The following XRCC4 variants were observed in gnomAD, a reference collection of about 807,000 sequenced individuals.
XRCC4 encodes DNA repair protein XRCC4.
A neutral mutation model predicts 39.1 loss-of-function variants in XRCC4; 28 were observed. The observed-to-expected ratio is 0.72, with a 90% CI of 0.53 to 0.98. The LOEUF (loss-of-function observed/expected upper bound fraction) is 0.98, where lower values mean the gene tolerates loss of function less well. Among genes scored for constraint, XRCC4 ranks in the 50% least tolerant of loss-of-function variants. The probability of loss-of-function intolerance (pLI) is 0.00; values close to 1 mark genes in which losing one functional copy is unlikely to be tolerated. For synonymous variants in XRCC4, 123 were observed against 126.4 expected (o/e 0.97, Z 0.18); for missense variants, 350 against 376.4 (o/e 0.93, Z 0.58).
At chr5:83,309,296 A>AAAAAAAATATATATATATATAT (rs1561467702) in intron 7 of XRCC4, among the ~76,000 whole-genome samples, 2 of 72,226 alleles carry the variant, frequency 2.8e-5, no homozygotes, top group Admixed American at 2.5e-4. Flanking sequence ...AAAAAAAAAA[A>AAAAAAAATATATATATATATAT]ATATATATAT....
intron 6 of XRCC4, among the ~76,000 whole-genome samples, chr5:83,206,891 G>A (rs917933044): frequency 2.6e-5 from 4 of 151,962 alleles, no homozygotes; most frequent in Non-Finnish European, 5.9e-5. Flanking sequence ...AACAGATGAA[G>A]GCACAGGAAA....
intron 6 of XRCC4, among the ~76,000 whole-genome samples, chr5:83,252,885 G>A (rs533368910): frequency 1.4e-4 from 21 of 152,234 alleles, no homozygotes; most frequent in African/African-American, 3.1e-4. Context: ...TAAAATTACC[G>A]AGTAATATGT....
At chr5:83,223,361 A>G (rs1000466701) in intron 6 of XRCC4, among the ~76,000 whole-genome samples, 10 of 152,026 alleles carry the variant, frequency 6.6e-5, no homozygotes, top group African/African-American at 2.4e-4. Context: ...TTTTCAGTCT[A>G]TTAATATTTG....
chr5:83,246,936 G>A (rs556295291), intron 6 of XRCC4, among the ~76,000 whole-genome samples: 1 of 152,266 alleles, frequency 6.6e-6, no homozygotes, highest in South Asian at 2.1e-4. Flanking sequence ...TTGAAATGTG[G>A]ACTTCCTAGC....
chr5:83,151,403 CT>C (rs1748696660), intron 3 of XRCC4, among the ~76,000 whole-genome samples: 1 of 152,078 alleles, frequency 6.6e-6, no homozygotes. Flanking sequence ...AAAGGAAGAA[CT>C]GTTGATGTAT....
At chr5:83,305,463 C>T (rs1228484127) in intron 7 of XRCC4, among the ~76,000 whole-genome samples, 1 of 151,998 alleles carries the variant, frequency 6.6e-6, no homozygotes, top group Non-Finnish European at 1.5e-5. Context: ...ATTTAAATCT[C>T]AAAGTAGAGT....
At chr5:83,359,941 G>A in the XRCC4 span, among the ~76,000 whole-genome samples, 1 of 152,088 alleles carries the variant, frequency 6.6e-6, no homozygotes, top group Non-Finnish European at 1.5e-5. Flanking sequence ...TACATTAGAT[G>A]TATCTTCTAA....
intron 7 of XRCC4, 70 bp from the exon 8 acceptor site, chr5:83,353,061 T>C (rs1457129631): frequency 1.6e-6 from 2 of 1,254,494 alleles, no homozygotes; most frequent in Non-Finnish European, 2.2e-6. Context: ...TATGTGTCTC[T>C]TCATTTTCTT....
At chr5:83,294,628 GAATT>G (rs1159009461) in intron 7 of XRCC4, among the ~76,000 whole-genome samples, 2 of 152,000 alleles carry the variant, frequency 1.3e-5, no homozygotes, top group African/African-American at 2.4e-5. Flanking sequence ...AGCTTTTTAG[GAATT>G]AATTGAGAAG....
intron 7 of XRCC4, among the ~76,000 whole-genome samples, chr5:83,293,607 T>TAG (rs1754997621): frequency 6.6e-6 from 1 of 152,018 alleles, no homozygotes; most frequent in South Asian, 2.1e-4. Flanking sequence ...GCTAAGCACA[T>TAG]CCTCTAATAT....
chr5:83,227,310 T>C (rs1752327909), intron 6 of XRCC4, among the ~76,000 whole-genome samples: 1 of 152,136 alleles, frequency 6.6e-6, no homozygotes, highest in African/African-American at 2.4e-5. Context: ...TTTAAACTAC[T>C]TAAATTAATG....
intron 1 of XRCC4, among the ~76,000 whole-genome samples, chr5:83,079,119 T>A (rs548603609): frequency 6.6e-6 from 1 of 152,362 alleles, no homozygotes; most frequent in South Asian, 2.1e-4. Context: ...TCAGAAAGCT[T>A]AACTTGTTAG....
At chr5:83,100,490 T>C (rs1022444428) in intron 1 of XRCC4, among the ~76,000 whole-genome samples, 5 of 152,156 alleles carry the variant, frequency 3.3e-5, no homozygotes, top group Non-Finnish European at 7.4e-5. Context: ...GGTTCAAATA[T>C]GGCTTTAAAA....
chr5:83,143,978 G>A (rs1748309014), intron 3 of XRCC4, among the ~76,000 whole-genome samples: 1 of 151,822 alleles, frequency 6.6e-6, no homozygotes, highest in African/African-American at 2.4e-5. Context: ...TATTGGTGAA[G>A]TCTGAGATTT....
chr5:83,236,929 A>G (rs2112834009), intron 6 of XRCC4, among the ~76,000 whole-genome samples: 1 of 152,306 alleles, frequency 6.6e-6, no homozygotes, highest in Admixed American at 6.5e-5. Context: ...TTCTCAAAAT[A>G]AGACATACAA....
chr5:83,134,266 G>A (rs943048191), intron 3 of XRCC4, among the ~76,000 whole-genome samples: 19 of 152,072 alleles, frequency 1.2e-4, no homozygotes, highest in African/African-American at 4.6e-4. Flanking sequence ...AGGTGAAGCT[G>A]GCTGGGCTTC....
In XRCC4 at chr5:83,190,684, C is replaced by T. The variant is rs1750655421; in HGVS notation, c.316-5086C>T. On this transcript the variant is annotated intron_variant, in intron 3 of 7. Coordinates refer to ENST00000396027, the MANE Select transcript of XRCC4 (RefSeq NM_003401.5). ...TCCTCAGAAACACTTAGAATGGCCA[C>T]AAATAACTCTCTAGGAATTAAGTTA... Among the ~76,000 whole-genome samples the T allele has an allele frequency of 2.6e-5, 4 of 152,120 alleles. No homozygotes were observed. The South Asian group carries it at 8.3e-4, about 32-fold the overall frequency.
rs1028002832 is a variant in XRCC4, at chr5:83,275,316, A to G, written c.893+16639A>G. 2.8e-5 allele frequency among the ~76,000 whole-genome samples: 4 copies of G among 144,530 alleles called. No homozygotes were observed. The South Asian group carries it at 8.7e-4, about 31-fold the overall frequency. The allele number at this position is 144,530 out of a possible 152,430, so 94.8% of individuals were successfully genotyped here. A position where few individuals can be genotyped will look rare whatever the true frequency, so the allele number is the denominator to read the frequency against. ...GTTAGGTTTTTTTTTTTTTTTTGAG[A>G]CGGAGTCTCGCTCTGTCGCCCAGGC... On this transcript the variant is annotated intron_variant, in intron 7 of 7. Coordinates refer to ENST00000396027, the MANE Select transcript of XRCC4 (RefSeq NM_003401.5).
At chr5:83,341,984 C>T (rs185098708) in intron 7 of XRCC4, among the ~76,000 whole-genome samples, 2 of 152,178 alleles carry the variant, frequency 1.3e-5, no homozygotes, top group African/African-American at 4.8e-5. Flanking sequence ...AAGCGGCAGT[C>T]AGCTCACAGA....
Sources: gnomAD v4.1 joint callset for allele counts (sites outside exome capture counted in the v4.1 genomes callset) on GRCh38, gnomAD v4.1.1 for gene constraint, MANE v1.5 for transcripts, NCBI Gene and HGNC (gene_info 2026-07-23, HGNC 2026-07-21) for gene names.